The following DESI2 variants were observed in gnomAD, a reference collection of about 807,000 sequenced individuals.
DESI2 encodes the protein desumoylating isopeptidase 2, also known as deubiquitinase DESI2.
DESI2 carries 10 observed loss-of-function variants against 24.1 expected under a neutral mutation model. The observed-to-expected ratio is 0.41, with a 90% CI of 0.26 to 0.70. The LOEUF is 0.70. Among genes scored for constraint, DESI2 ranks in the 30% least tolerant of loss-of-function variants. The pLI, the probability that DESI2 is intolerant of heterozygous loss-of-function variation, is 0.29. For missense variants in DESI2, 122 were observed against 234.9 expected, an observed-to-expected ratio of 0.52 and a Z score of 3.14; for synonymous variants, 71 against 87.7, an observed-to-expected ratio of 0.81 and a Z score of 1.06.
At chr1:244,655,472 C>G (rs1384229903) in intron 1 of DESI2, among the ~76,000 whole-genome samples, 1 of 152,148 alleles carries the variant, frequency 6.6e-6, no homozygotes, top group African/African-American at 2.4e-5. Context: ...TTTTATGTCA[C>G]TAATTCAGCA....
intron 1 of DESI2, among the ~76,000 whole-genome samples, chr1:244,672,580 A>C (rs558912363): frequency 6.6e-6 from 1 of 152,266 alleles, no homozygotes; most frequent in South Asian, 2.1e-4. Context: ...TATTGATTTC[A>C]AAAATTAATA....
At chr1:244,700,511 A>G (rs370851996) in intron 4 of DESI2, among the ~76,000 whole-genome samples, 7 of 152,054 alleles carry the variant, frequency 4.6e-5, no homozygotes, top group African/African-American at 1.2e-4. Flanking sequence ...GCTCATCTAC[A>G]TATTTTCTAC....
At chr1:244,653,575 G>C in intron 1 of DESI2, 2 of 531,930 alleles carry the variant, frequency 3.8e-6, no homozygotes, top group Non-Finnish European at 6.5e-6. Flanking sequence ...TTTGGCCAAA[G>C]CTCGGGTGGG....
chr1:244,669,756 G>A (rs1206910294), intron 1 of DESI2, among the ~76,000 whole-genome samples: 1 of 152,114 alleles, frequency 6.6e-6, no homozygotes, highest in East Asian at 1.9e-4. Flanking sequence ...AGTATTAGTG[G>A]TCATTCCTTG....
intron 1 of DESI2, among the ~76,000 whole-genome samples, chr1:244,663,088 T>C (rs1675902408): frequency 6.6e-6 from 1 of 151,538 alleles, no homozygotes; most frequent in Admixed American, 6.6e-5. Flanking sequence ...ATTTAGAAAG[T>C]CAGAAATTCA....
chr1:244,703,428 T>G (rs922847296), intron 4 of DESI2, among the ~76,000 whole-genome samples: 1 of 152,112 alleles, frequency 6.6e-6, no homozygotes, highest in Non-Finnish European at 1.5e-5. Flanking sequence ...CAGTCTTGGC[T>G]CTCTGCAGCT....
intron 1 of DESI2, among the ~76,000 whole-genome samples, chr1:244,678,487 T>G (rs1676490824): frequency 6.6e-6 from 1 of 152,214 alleles, no homozygotes; most frequent in South Asian, 2.1e-4. Context: ...AAGTTCATTC[T>G]CATCCTAATT....
chr1:244,676,831 G>A (rs1463763757), intron 1 of DESI2, among the ~76,000 whole-genome samples: 1 of 147,310 alleles, frequency 6.8e-6, no homozygotes, highest in South Asian at 2.1e-4. Context: ...TATATATCAT[G>A]AAAGGGTATT....
At chr1:244,693,068 G>A (rs7534709) in intron 4 of DESI2, among the ~76,000 whole-genome samples, 36,486 of 152,092 alleles carry the variant, frequency 0.24, 4,421 homozygotes, top group South Asian at 0.33. Flanking sequence ...TCAAAGATCT[G>A]TTGAGTGCTA....
At chr1:244,699,577 TCAAAA>T (rs1677357260) in intron 4 of DESI2, among the ~76,000 whole-genome samples, 1 of 38,122 alleles carries the variant, frequency 2.6e-5, no homozygotes, top group Non-Finnish European at 4.3e-5. Context: ...TGAGACTGTC[TCAAAA>T]AAAAAAAAAA....
chr1:244,704,861 T>TA (rs1210364346), intron 4 of DESI2, among the ~76,000 whole-genome samples: 4 of 152,188 alleles, frequency 2.6e-5, no homozygotes, highest in Admixed American at 6.5e-5. Flanking sequence ...GGTTTCACCA[T>TA]ACTGGCCAGG....
intron 4 of DESI2, among the ~76,000 whole-genome samples, chr1:244,700,468 C>T (rs537190230): frequency 1.6e-4 from 24 of 152,198 alleles, no homozygotes; most frequent in African/African-American, 5.3e-4. Flanking sequence ...TCTTCTACAG[C>T]GTTTTGTTAT....
At chr1:244,671,152 T>G (rs1676231793) in intron 1 of DESI2, among the ~76,000 whole-genome samples, 1 of 152,236 alleles carries the variant, frequency 6.6e-6, no homozygotes, top group South Asian at 2.1e-4. Flanking sequence ...ATCTGGCTGC[T>G]TTACTGTTTT....
Position 244,705,980 on chromosome 1 carries a change from A to G in DESI2, c.*191A>G. The G allele has an allele frequency of 1.7e-6, 1 of 574,236 alleles. No homozygotes were observed. The highest frequency in any genetic ancestry group is 3.1e-6 in the Non-Finnish European group (1 of 324,030). 35.6% of individuals were successfully genotyped at this position (574,236 alleles called of 1,614,324 possible). On this transcript the variant is annotated 3_prime_UTR_variant, in exon 5 of 5. Transcript: ENST00000302550. Reference sequence around the variant, plus strand: ...CTTGGCGCAGGAGGGAGAACTTTGTAAGAAGCTGCCCTCTGTTTTTTTTAT... The same window carrying G: ...CTTGGCGCAGGAGGGAGAACTTTGTGAGAAGCTGCCCTCTGTTTTTTTTAT...
intron 1 of DESI2, among the ~76,000 whole-genome samples, chr1:244,673,552 A>G (rs1676316427): frequency 6.6e-6 from 1 of 152,226 alleles, no homozygotes; most frequent in South Asian, 2.1e-4. Context: ...GCAGCCTGTA[A>G]TTTAAGAAGT....
chr1:244,706,177 A>G lies in DESI2; in HGVS notation c.*388A>G, dbSNP rs2242448. On this transcript the variant is annotated 3_prime_UTR_variant, in exon 5 of 5. Transcript: ENST00000302550. ...AGGTAATCTTTGTATACTTCTGACA[A>G]TTGCCAGATCTATGGCATAAATAGG... 50,803 of 185,456 alleles carry G rather than the reference A, an allele frequency of 0.27. 7,479 individuals are homozygous for G. The highest frequency in any genetic ancestry group is 0.37 in the African/African-American group (15,581 of 41,966). 11.5% of individuals were successfully genotyped at this position (185,456 alleles called of 1,614,324 possible).
rs1677775265 is a variant in DESI2 at position 244,707,925 on chromosome 1, T to TG, written c.*2136_*2137insG. On this transcript the variant is annotated 3_prime_UTR_variant, in exon 5 of 5. Coordinates refer to ENST00000302550, the MANE Select transcript of DESI2 (RefSeq NM_016076.5). ...GTAGAAATAGTGTCCTAAGGCCAATTACCTACCATACTAACAATCAGCAGA... is the reference window on the plus strand; with the variant it reads ...GTAGAAATAGTGTCCTAAGGCCAATTGACCTACCATACTAACAATCAGCAGA... 6.6e-6 allele frequency: 1 copy of TG among 152,212 alleles called. No homozygotes were observed. Among genetic ancestry groups the TG allele is most frequent in the Non-Finnish European group, 1.5e-5 (1 of 68,038 alleles). The allele number at this position is 152,212 out of a possible 1,614,324, so 9.4% of individuals were successfully genotyped here. A position where few individuals can be genotyped will look rare whatever the true frequency, so the allele number is the denominator to read the frequency against.
chr1:244,680,091 A>G (rs1416089506), intron 1 of DESI2, among the ~76,000 whole-genome samples: 2 of 150,308 alleles, frequency 1.3e-5, no homozygotes, highest in Admixed American at 1.3e-4. Context: ...AATTGCCGTA[A>G]GAGTAGCCCA....
At chr1:244,704,666 T>TGC (rs35192303) in intron 4 of DESI2, among the ~76,000 whole-genome samples, 2 of 78,884 alleles carry the variant, frequency 2.5e-5, no homozygotes, top group African/African-American at 6.1e-5. Flanking sequence ...GAAAACACTT[T>TGC]GTGTGTGTGT....
Sources: gnomAD v4.1 joint callset for allele counts (sites outside exome capture counted in the v4.1 genomes callset) on GRCh38, gnomAD v4.1.1 for gene constraint, MANE v1.5 for transcripts, NCBI Gene and HGNC (gene_info 2026-07-23, HGNC 2026-07-21) for gene names.